The following CABLES2 variants were observed in gnomAD, a reference collection of about 807,000 sequenced individuals.
The protein encoded by CABLES2 is Cdk5 and Abl enzyme substrate 2.
Under a neutral mutation model 44.8 loss-of-function variants are expected in CABLES2, and 35 were observed. The observed-to-expected ratio is 0.78, with a 90% CI of 0.60 to 1.04. CABLES2 has a LOEUF of 1.04. Ranked by LOEUF, CABLES2 falls within the 50% of genes least tolerant of loss-of-function variation. CABLES2 has a pLI of 0.00. For synonymous variants in CABLES2, 282 were observed against 281.1 expected (o/e 1.00, Z -0.03); for missense variants, 566 against 615.7 (o/e 0.92, Z 0.85).
chr20:62,392,867 G>T, intron 7 of CABLES2, 53 bp downstream of exon 7: 1 of 1,521,212 alleles, frequency 6.6e-7, no homozygotes, highest in Non-Finnish European at 9.1e-7. Context: ...CACGCCCCGA[G>T]CCAGGACAGG....
chr20:62,406,954 T>C lies in CABLES2; in HGVS notation c.323A>G (p.Gln108Arg), dbSNP rs770166252. The C allele has an allele frequency of 8.2e-6, 10 of 1,214,776 alleles. No homozygotes were observed. 75.2% of individuals were successfully genotyped at this position (1,214,776 alleles called of 1,614,324 possible). ...PAPQGLLSPT[Q>R]VPTGLGLDGQ... Reference sequence around the variant, plus strand: ...ATCCAGGCCGAGGCCGGTGGGCACCTGCGTGGGGCTGAGCAGGCCCTGGGG... The same window carrying C: ...ATCCAGGCCGAGGCCGGTGGGCACCCGCGTGGGGCTGAGCAGGCCCTGGGG... The change falls in exon 1 of 10, where the codon CAG (glutamine) becomes CGG (arginine). Residue 108 changes from glutamine (Q) to arginine (R), a missense_variant. This residue lies in a region of CABLES2 where 436 missense variants were observed against 536.3 expected (regional missense o/e 0.81). Transcript: ENST00000279101.
intron 8 of CABLES2, 87 bp downstream of exon 8, chr20:62,392,302 A>T (rs1987933670): frequency 1.0e-6 from 1 of 999,078 alleles, no homozygotes; most frequent in African/African-American, 1.6e-5. Context: ...TAGACTTGTC[A>T]AGCTGGAGAG....
At chr20:62,398,131 C>CGGTGGTGATGGTGGTGGTGGTGGT (rs1988096071) in intron 1 of CABLES2, among the ~76,000 whole-genome samples, 2 of 39,974 alleles carry the variant, frequency 5.0e-5, no homozygotes, top group African/African-American at 2.0e-4. Flanking sequence ...GTGGTTATGA[C>CGGTGGTGATGGTGGTGGTGGTGGT]GGTGGTGATG....
At chr20:62,403,606 T>TA (rs1988228619) in intron 1 of CABLES2, 1 of 152,302 alleles carries the variant, frequency 6.6e-6, no homozygotes, top group African/African-American at 2.4e-5. Flanking sequence ...GCTGGTGCCG[T>TA]AAGCCACCGG....
intron 1 of CABLES2, among the ~76,000 whole-genome samples, chr20:62,398,777 T>TGC (rs1988133726): frequency 6.6e-6 from 1 of 152,190 alleles, no homozygotes; most frequent in South Asian, 2.1e-4. Context: ...GTGCCACCTG[T>TGC]GCCAGCGAGA....
chr20:62,398,155 TGAC>T lies in CABLES2; in HGVS notation c.363-1566_363-1564del, dbSNP rs780236162. 2.6e-3 allele frequency among the ~76,000 whole-genome samples: 312 copies of T among 121,416 alleles called. 11 individuals are homozygous for T. Among genetic ancestry groups the T allele is most frequent in the African/African-American group, 9.6e-3 (274 of 28,666 alleles). The allele number at this position is 121,416 out of a possible 152,430, so 79.7% of individuals were successfully genotyped here. A position where few individuals can be genotyped will look rare whatever the true frequency, so the allele number is the denominator to read the frequency against. ...ACGGTGGTGATGGTGGTGGTGGTGGTGACGGTGATGGTGGTAATGGTGGTGGTG... is the reference window on the plus strand; with the variant it reads ...ACGGTGGTGATGGTGGTGGTGGTGGTGGTGATGGTGGTAATGGTGGTGGTG... On this transcript the variant is annotated intron_variant, in intron 1 of 9. Transcript: ENST00000279101.
At position 62,407,237 on chromosome 20, in the gene CABLES2, G is replaced by A. The variant is rs1392401188; in HGVS notation, c.40C>T (p.Pro14Ser). ...GGTGGCGGGGGCCCGGCGGGGCCGG[G>A]GGCCGGGCCCGGGGCTCCACCGGCC... ...AAAGGAPGPA[P>S]GPAGPPPPAA... The change falls in exon 1 of 10, where the codon CCC becomes TCC. Residue 14 changes from proline (P) to serine (S), a missense_variant. By Grantham distance (74) the Pro-to-Ser change is moderately conservative. Around this residue, in one of 2 missense-constraint regions of CABLES2, gnomAD observed 130 missense variants for 79.4 expected, o/e 1.64. Coordinates refer to ENST00000279101, the MANE Select transcript of CABLES2 (RefSeq NM_031215.3). 16 of 845,172 alleles carry A rather than the reference G, an allele frequency of 1.9e-5. No homozygotes were observed. The South Asian group carries it at 4.3e-4, about 22-fold the overall frequency. 52.4% of individuals were successfully genotyped at this position (845,172 alleles called of 1,614,324 possible).
Position 62,407,042 on chromosome 20 carries a change from G to T in CABLES2, c.235C>A (p.Arg79Ser). ...EKPPPPPAEA[R>S]EPPAPPPPEP... The stretch of plus-strand genomic sequence containing the variant: ...GGCGGCGGCGGCGCTGGCGGTTCGC[G>T]GGCCTCGGCGGGCGGCGGCGGGGGC... The change falls in exon 1 of 10, where the codon CGC (arginine) becomes AGC (serine). Residue 79 changes from arginine (R) to serine (S), a missense_variant. Physicochemically the swap from Arg to Ser is moderately radical, Grantham distance 110 (BLOSUM62 -1). Transcript: ENST00000279101. 1 of 1,110,024 alleles carries T rather than the reference G, an allele frequency of 9.0e-7. No homozygotes were observed. The highest frequency in any genetic ancestry group is 1.1e-6 in the Non-Finnish European group (1 of 910,572). The allele number at this position is 1,110,024 out of a possible 1,614,324, so 68.8% of individuals were successfully genotyped here.
intron 1 of CABLES2, among the ~76,000 whole-genome samples, chr20:62,399,285 G>T (rs1234510525): frequency 6.9e-6 from 1 of 145,516 alleles, no homozygotes; most frequent in African/African-American, 2.7e-5. Context: ...TCACTCTGTT[G>T]CCCAGGCTGG....
chr20:62,394,824 G>C (rs940586011), intron 4 of CABLES2, 113 bp downstream of exon 4: 4 of 907,838 alleles, frequency 4.4e-6, no homozygotes. Flanking sequence ...GAGCCCGGGG[G>C]CAGCCGCACC....
At chr20:62,392,520 G>A in intron 7 of CABLES2, 25 bp from the exon 8 acceptor site, 1 of 1,552,040 alleles carries the variant, frequency 6.4e-7, no homozygotes, top group Non-Finnish European at 8.9e-7. Context: ...GGGCAGGGTT[G>A]GGCCGGCCCC....
chr20:62,391,357 C>T lies in CABLES2; in HGVS notation c.1188G>A (p.Gln396=), dbSNP rs1004048000. 1 of 1,613,484 alleles carries T rather than the reference C, an allele frequency of 6.2e-7. No individual in the cohort carries two copies. Among genetic ancestry groups the T allele is most frequent in the South Asian group, 1.1e-5 (1 of 91,086 alleles). Residue 396 remains glutamine, a synonymous_variant, in exon 9 of 10, where the codon CAG becomes CAA. Transcript: ENST00000279101. The surrounding 1 kb of genome is among the most constrained non-coding windows in gnomAD (Gnocchi z 5.7). ...TGCGGTTCTGTTTGCTGAGCTTGCC[C>T]TGCAGGACCAGCTTCTCAAAGTACA... The part of the protein sequence containing the change: ...AYVYFEKLVL[Q]GKLSKQNRKL...
chr20:62,396,437 T>G lies in CABLES2; in HGVS notation c.435-30A>C. 1.2e-6 allele frequency: 2 copies of G among 1,613,548 alleles called. No individual in the cohort carries two copies. Among genetic ancestry groups the G allele is most frequent in the Non-Finnish European group, 1.7e-6 (2 of 1,179,602 alleles). Reference sequence around the variant, plus strand: ...AAGGCAAAGGACACAGGTCACTCTTTTCCTCCCAGGACCCTCTGGCCCCGC... The same window carrying G: ...AAGGCAAAGGACACAGGTCACTCTTGTCCTCCCAGGACCCTCTGGCCCCGC... On this transcript the variant is annotated intron_variant, in intron 2 of 9. Transcript: ENST00000279101. This position sits in a 1 kb window ranked among gnomAD's most constrained non-coding sequence, Gnocchi z 5.7.
chr20:62,401,640 G>A (rs1988189391), intron 1 of CABLES2, among the ~76,000 whole-genome samples: 2 of 152,214 alleles, frequency 1.3e-5, no homozygotes, highest in Admixed American at 6.5e-5. Context: ...GGCGGGACAT[G>A]CGCAATCAGG....
At chr20:62,397,928 GGTGGTGGTGATGGTGGTGACGGTA>G (rs1475973149) in intron 1 of CABLES2, among the ~76,000 whole-genome samples, 6 of 50,160 alleles carry the variant, frequency 1.2e-4, no homozygotes, top group Non-Finnish European at 2.6e-4. Context: ...TGGTGATGGT[GGTGGTGGTGATGGTGGTGACGGTA>G]GTGGTGGTGA....
At chr20:62,392,869 C>G (rs1233693551) in intron 7 of CABLES2, 51 bp downstream of exon 7, 2 of 1,537,664 alleles carry the variant, frequency 1.3e-6, no homozygotes, top group Admixed American at 3.3e-5. Flanking sequence ...CGCCCCGAGC[C>G]AGGACAGGTG....
chr20:62,393,308 T>C (rs1280245710), intron 6 of CABLES2, 132 bp downstream of exon 6: 10 of 1,055,142 alleles, frequency 9.5e-6, no homozygotes, highest in Middle Eastern at 3.2e-4. Flanking sequence ...CTCCTGACCC[T>C]GTTCCCCAGG....
chr20:62,398,088 A>ATGGTGG lies in CABLES2; in HGVS notation c.363-1497_363-1496insCCACCA, dbSNP rs1569017555. Reference sequence around the variant, plus strand: ...GGTGGTGACGGTGGTGGTGGTGGTGACGGTGGTGGTGGTGGTGATGGTGGT... The same window carrying ATGGTGG: ...GGTGGTGACGGTGGTGGTGGTGGTGATGGTGGCGGTGGTGGTGGTGGTGATGGTGGT... On this transcript the variant is annotated intron_variant, in intron 1 of 9. Coordinates refer to ENST00000279101, the MANE Select transcript of CABLES2 (RefSeq NM_031215.3). 9.3e-3 allele frequency among the ~76,000 whole-genome samples: 486 copies of ATGGTGG among 52,114 alleles called. 23 individuals are homozygous for ATGGTGG. The highest frequency in any genetic ancestry group is 0.03 in the African/African-American group (415 of 13,968). The allele number at this position is 52,114 out of a possible 152,430, so 34.2% of individuals were successfully genotyped here.
rs1215065614 is a variant in CABLES2, at chr20:62,388,703, C to CA, written c.*2267dup. On this transcript the variant is annotated 3_prime_UTR_variant, in exon 10 of 10. Coordinates refer to ENST00000279101, the MANE Select transcript of CABLES2 (RefSeq NM_031215.3). The stretch of plus-strand genomic sequence containing the variant: ...AACAGATATCTAAGACAAAATAACT[C>CA]AAACATTCTGAGGTCTGATACTTGC... The CA allele has an allele frequency of 5.1e-6, 3 of 583,762 alleles. No individual in the cohort carries two copies. Among genetic ancestry groups the CA allele is most frequent in the African/African-American group, 3.7e-5 (2 of 53,608 alleles). The allele number at this position is 583,762 out of a possible 1,614,324, so 36.2% of individuals were successfully genotyped here.
Sources: allele counts gnomAD v4.1 joint callset (sites outside exome capture counted in the v4.1 genomes callset), GRCh38; gene constraint gnomAD v4.1.1; regional missense constraint gnomAD v4.1.1; non-coding constraint Gnocchi (gnomAD v3.1); transcripts MANE v1.5; gene names NCBI Gene and HGNC (gene_info 2026-07-23, HGNC 2026-07-21).